Variants in GNPTAB observed in about 807,000 individuals in gnomAD.
The protein encoded by GNPTAB is N-acetylglucosamine-1-phosphate transferase subunits alpha and beta, also known as N-acetylglucosamine-1-phosphotransferase subunits alpha/beta.
In GNPTAB, 92 loss-of-function variants were observed where a neutral mutation model predicts 136.6. That is an observed-to-expected ratio of 0.67 (90% confidence interval 0.57 to 0.80). GNPTAB has a LOEUF of 0.80. Among genes scored for constraint, GNPTAB ranks in the 30% least tolerant of loss-of-function variants. The probability of loss-of-function intolerance (pLI) is 0.00; values close to 1 mark genes in which losing one functional copy is unlikely to be tolerated. For synonymous variants in GNPTAB, 512 were observed against 535.1 expected, an observed-to-expected ratio of 0.96 and a Z score of 0.60; for missense variants, 1,343 against 1,501.8, an observed-to-expected ratio of 0.89 and a Z score of 1.75.
intron 20 of GNPTAB, 60 bp from the exon 21 acceptor site, chr12:101,747,301 G>T: frequency 1.0e-6 from 1 of 960,642 alleles, no homozygotes; most frequent in Non-Finnish European, 1.7e-6. Context: ...GAATATAAGT[G>T]CATCAAACTT....
intron 10 of GNPTAB, 132 bp from the exon 11 acceptor site, chr12:101,768,292 A>G (rs1953123990): frequency 1.0e-6 from 1 of 970,232 alleles, no homozygotes; most frequent in Non-Finnish European, 1.6e-6. Flanking sequence ...CTCAGCGTTC[A>G]CACTCACAAG....
At chr12:101,809,738 G>A (rs373881504) in intron 1 of GNPTAB, among the ~76,000 whole-genome samples, 4 of 152,328 alleles carry the variant, frequency 2.6e-5, no homozygotes, top group East Asian at 3.9e-4. Context: ...GTGGTTGCCA[G>A]TGGGGAGGAA....
chr12:101,822,826 A>C (rs879389453), intron 1 of GNPTAB, among the ~76,000 whole-genome samples: 9 of 152,234 alleles, frequency 5.9e-5, no homozygotes, highest in Non-Finnish European at 7.3e-5. Context: ...ACAAAGAGCC[A>C]GTGGAAGATA....
intron 18 of GNPTAB, among the ~76,000 whole-genome samples, chr12:101,755,189 A>G (rs1267964950): frequency 2.6e-5 from 4 of 152,330 alleles, no homozygotes; most frequent in South Asian, 4.1e-4. Flanking sequence ...CTTAATATTA[A>G]TCAGGTAGCA....
intron 12 of GNPTAB, chr12:101,765,559 C>A: frequency 2.0e-6 from 1 of 490,876 alleles, no homozygotes; most frequent in Non-Finnish European, 3.7e-6. Flanking sequence ...AATCAGATAT[C>A]CTAATACAAC....
intron 1 of GNPTAB, among the ~76,000 whole-genome samples, chr12:101,815,380 G>A (rs978208685): frequency 4.6e-5 from 7 of 152,188 alleles, no homozygotes; most frequent in Non-Finnish European, 8.8e-5. Context: ...AAGTGATTTT[G>A]AAGAATTCTG....
chr12:101,770,970 T>C (rs1953162763), intron 8 of GNPTAB, 26 bp downstream of exon 8: 1 of 1,608,138 alleles, frequency 6.2e-7, no homozygotes, highest in Admixed American at 1.7e-5. Flanking sequence ...TGATTTGGGC[T>C]GTAAAAGCTT....
At chr12:101,795,172 T>C (rs928282410) in intron 2 of GNPTAB, among the ~76,000 whole-genome samples, 15 of 152,312 alleles carry the variant, frequency 9.8e-5, no homozygotes, top group African/African-American at 3.4e-4. Flanking sequence ...AACTTTGGTA[T>C]TACCAGGAAG....
rs112838089 is a variant in GNPTAB at position 101,824,496 on chromosome 12, T to A, written c.117+6063A>T. Among the ~76,000 whole-genome samples, 273 of 137,734 alleles carry A rather than the reference T, an allele frequency of 2.0e-3. 2 individuals carry two copies. Among genetic ancestry groups the A allele is most frequent in the African/African-American group, 6.6e-3 (241 of 36,702 alleles). 90.4% of individuals were successfully genotyped at this position (137,734 alleles called of 152,430 possible). On this transcript the variant is annotated intron_variant, in intron 1 of 20. Transcript: ENST00000299314. Reference sequence around the variant, plus strand: ...GTTTTGTTTTGTTTGAGACAGAGCCTCACTCTGTCGCCCAAGCTGGAGTGC... The same window carrying A: ...GTTTTGTTTTGTTTGAGACAGAGCCACACTCTGTCGCCCAAGCTGGAGTGC...
chr12:101,819,508 G>A (rs562318915), intron 1 of GNPTAB, among the ~76,000 whole-genome samples: 47 of 152,146 alleles, frequency 3.1e-4, no homozygotes, highest in African/African-American at 1.1e-3. Flanking sequence ...TGAAGGGGGG[G>A]AAAAAGGTTT....
intron 2 of GNPTAB, among the ~76,000 whole-genome samples, chr12:101,790,445 C>T (rs953132642): frequency 2.0e-5 from 3 of 152,070 alleles, no homozygotes; most frequent in African/African-American, 7.2e-5. Context: ...TGCCGTCAAA[C>T]ATAGAAAATA....
At chr12:101,759,362 CA>C (rs34183008) in intron 16 of GNPTAB, among the ~76,000 whole-genome samples, 1,250 of 50,872 alleles carry the variant, frequency 0.025, 6 homozygotes, top group African/African-American at 0.09. Flanking sequence ...GACTCCGTCT[CA>C]AAAAAAAAAA....
intron 18 of GNPTAB, chr12:101,756,843 T>C (rs113060416): frequency 1.6e-3 from 310 of 192,328 alleles, no homozygotes; most frequent in African/African-American, 7.2e-3. Flanking sequence ...AATCTGAACT[T>C]TACTTTGAAT....
Position 101,772,753 on chromosome 12 carries a change from CAAAGCATT to C in GNPTAB, c.772-1604_772-1597del, listed in dbSNP as rs1318130998. Among the ~76,000 whole-genome samples, 12 of 152,184 alleles carry C rather than the reference CAAAGCATT, an allele frequency of 7.9e-5. No individual in the cohort carries two copies. In the South Asian group the frequency reaches 2.3e-3, roughly 29 times the overall value. On this transcript the variant is annotated intron_variant, in intron 7 of 20. Transcript: ENST00000299314. Reference sequence around the variant, plus strand: ...CCTTTCCTCCCTCTCACAGCACCCCCAAAGCATTTCTGAGGGCTCCCTGGAGAGAAAAA... The same window carrying C: ...CCTTTCCTCCCTCTCACAGCACCCCCTCTGAGGGCTCCCTGGAGAGAAAAA...
At chr12:101,797,589 A>G (rs1869373502) in intron 1 of GNPTAB, among the ~76,000 whole-genome samples, 1 of 152,164 alleles carries the variant, frequency 6.6e-6, no homozygotes, top group African/African-American at 2.4e-5. Context: ...GCGCCACTGC[A>G]CTCCAGCCTG....
intron 1 of GNPTAB, among the ~76,000 whole-genome samples, chr12:101,819,176 A>C (rs1365314863): frequency 6.6e-6 from 1 of 151,910 alleles, no homozygotes; most frequent in African/African-American, 2.4e-5. Context: ...CACACTTGGC[A>C]AATTTTTGTA....
Position 101,771,836 on chromosome 12 carries a change from G to C in GNPTAB, c.772-679C>G, listed in dbSNP as rs142461715. Among the ~76,000 whole-genome samples the C allele has an allele frequency of 1.4e-3, 214 of 152,310 alleles. 1 individual carries two copies. The highest frequency in any genetic ancestry group is 4.7e-3 in the African/African-American group (195 of 41,544). ...TTTTGACTTCTTTGCAAGTACACCT[G>C]CTGGCCAACAGTTCTGTGACTTTTC... On this transcript the variant is annotated intron_variant, in intron 7 of 20. Transcript: ENST00000299314.
intron 7 of GNPTAB, among the ~76,000 whole-genome samples, chr12:101,772,908 C>T (rs57558758): frequency 0.067 from 10,260 of 152,246 alleles, 420 homozygotes; most frequent in East Asian, 0.12. Flanking sequence ...CCTCCATCTC[C>T]CGGGTTCAAG....
intron 1 of GNPTAB, among the ~76,000 whole-genome samples, chr12:101,826,496 C>T (rs1384059050): frequency 7.5e-6 from 1 of 133,460 alleles, no homozygotes; most frequent in Non-Finnish European, 1.5e-5. Context: ...TTTTATTTTT[C>T]TGATTTTTAA....
Sources: allele counts gnomAD v4.1 joint callset (sites outside exome capture counted in the v4.1 genomes callset), GRCh38; gene constraint gnomAD v4.1.1; transcripts MANE v1.5; gene names NCBI Gene and HGNC (gene_info 2026-07-23, HGNC 2026-07-21).